Variants in ZMYM3 observed in about 807,000 individuals in gnomAD.
ZMYM3 encodes zinc finger MYM-type protein 3.
In ZMYM3, 6 loss-of-function variants were observed where a neutral mutation model predicts 94.2. The observed-to-expected ratio is 0.06, with a 90% confidence interval of 0.03 to 0.13. The LOEUF is 0.13. ZMYM3 is among the 10% of genes least tolerant of loss of function. ZMYM3 has a pLI of 1.00. For synonymous variants in ZMYM3, 420 were observed against 426.5 expected (o/e 0.98, Z 0.19); for missense variants, 664 against 1,132.6 (o/e 0.59, Z 5.94).
intron 23 of ZMYM3, among the ~76,000 whole-genome samples, chrX:71,241,896 T>C (rs2029962921): frequency 8.9e-6 from 1 of 111,961 alleles, no homozygotes; most frequent in South Asian, 3.7e-4. Context: ...GTTTCCTACC[T>C]GTCCACCACC....
In ZMYM3 at chrX:71,240,611, C is replaced by G. The variant is rs1246035397; in HGVS notation, c.*305G>C. 1 of 241,386 alleles carries G rather than the reference C, an allele frequency of 4.1e-6. No homozygotes were observed. Among genetic ancestry groups the G allele is most frequent in the Non-Finnish European group, 7.4e-6 (1 of 135,138 alleles). The allele number at this position is 241,386 out of a possible 1,213,427, so 19.9% of individuals were successfully genotyped here. The stretch of plus-strand genomic sequence containing the variant: ...CAGGATCACCAGAGCTATTAACACT[C>G]CACCCAGAGTCTGGACCCAGAAGGA... On this transcript the variant is annotated 3_prime_UTR_variant, in exon 25 of 25. Transcript: ENST00000314425.
chrX:71,249,491 G>T lies in ZMYM3; in HGVS notation c.1440C>A (p.Cys480Ter). The change falls in exon 7 of 25, where the codon TGC becomes TGA. Residue 480 changes from cysteine to a stop codon, truncating the protein, a stop_gained. Transcript: ENST00000314425. LOFTEE classifies it high-confidence loss of function. ...LFHEGQQKRFCNTTCLGAYKK... is the reference protein window; with the variant it reads ...LFHEGQQKRF ...TGTACGCCCCCAAGCAGGTTGTGTT[G>T]CAGAACCGCTTTTGTTGGCCCTCGT... The T allele has an allele frequency of 8.3e-7, 1 of 1,199,133 alleles. No homozygotes were observed.
intron 23 of ZMYM3, among the ~76,000 whole-genome samples, chrX:71,241,962 G>A (rs1454759611): frequency 1.8e-5 from 2 of 111,787 alleles, no homozygotes; most frequent in Non-Finnish European, 3.8e-5. Context: ...GGGGAAACAG[G>A]CCAGAGGGTG....
chrX:71,250,841 C>A, intron 4 of ZMYM3, 115 bp from the exon 5 acceptor site: 1 of 766,864 alleles, frequency 1.3e-6, no homozygotes. Flanking sequence ...CCTTTACACC[C>A]TGGCCCTTGT....
At chrX:71,247,319 G>A (rs1431804836) in intron 13 of ZMYM3, 26 bp downstream of exon 13, 3 of 1,167,276 alleles carry the variant, frequency 2.6e-6, no homozygotes, top group Admixed American at 5.0e-5. Context: ...CCCTCTAACA[G>A]AGTGTACCCC....
At position 71,249,117 on chromosome X, in the gene ZMYM3, A is replaced by G; in HGVS notation, c.1523T>C (p.Phe508Ser). The stretch of plus-strand genomic sequence containing the variant: ...ACGATCCACATGTGATAGCATCTCA[A>G]AGTTCTTACACAGGGTCTTGCACCA... ...CVWCKTLCKNFEMLSHVDRNG... is the reference protein window; with the variant it reads ...CVWCKTLCKNSEMLSHVDRNG... Residue 508 changes from phenylalanine to serine, a missense_variant, in exon 8 of 25, where the codon TTT (phenylalanine) becomes TCT (serine). Physicochemically the swap from Phe to Ser is radical, Grantham distance 155. Around this residue, in one of 9 missense-constraint regions of ZMYM3, gnomAD observed 159 missense variants for 313.0 expected, o/e 0.51. Transcript: ENST00000314425. 1 of 1,211,780 alleles carries G rather than the reference A, an allele frequency of 8.3e-7. No individual in the cohort carries two copies. Among genetic ancestry groups the G allele is most frequent in the East Asian group, 3.0e-5 (1 of 33,827 alleles).
Position 71,247,529 on chromosome X carries a change from T to C in ZMYM3, c.2149-19A>G. 1.7e-6 allele frequency: 2 copies of C among 1,201,571 alleles called. No homozygotes were observed. The highest frequency in any genetic ancestry group is 2.2e-6 in the Non-Finnish European group (2 of 888,991). ...GGGCAGCCTGAGGATGTCAAAAGGATGGTCAGACCTGCCTCCCTAAAATGC... is the reference window on the plus strand; with the variant it reads ...GGGCAGCCTGAGGATGTCAAAAGGACGGTCAGACCTGCCTCCCTAAAATGC... On this transcript the variant is annotated intron_variant, in intron 12 of 24. Coordinates refer to ENST00000314425, the MANE Select transcript of ZMYM3 (RefSeq NM_201599.3).
intron 18 of ZMYM3, 82 bp downstream of exon 18, chrX:71,245,257 T>C (rs2030118294): frequency 1.8e-6 from 2 of 1,139,326 alleles, no homozygotes; most frequent in Admixed American, 2.4e-5. Flanking sequence ...TTCAGGGTCA[T>C]GCTCAGGGAC....
rs754896659 is a variant in ZMYM3 at position 71,244,419 on chromosome X, T to A, written c.3163A>T (p.Ser1055Cys). 2 of 1,211,957 alleles carry A rather than the reference T, an allele frequency of 1.7e-6. No individual in the cohort carries two copies. The highest frequency in any genetic ancestry group is 4.3e-5 in the Admixed American group (2 of 46,046). The change falls in exon 20 of 25, where the codon AGT becomes TGT. Residue 1055 changes from serine (S) to cysteine (C), a missense_variant. Coordinates refer to ENST00000314425, the MANE Select transcript of ZMYM3 (RefSeq NM_201599.3). ...TTGAGCCCGGTACAACTAGGCTGACTGCTCATGGAGTCCCGGGAGCAGCTT... is the reference window on the plus strand; with the variant it reads ...TTGAGCCCGGTACAACTAGGCTGACAGCTCATGGAGTCCCGGGAGCAGCTT... ...SESCSRDSMSSQPSCTGLNYS... is the reference protein window; with the variant it reads ...SESCSRDSMSCQPSCTGLNYS...
At position 71,245,415 on chromosome X, in the gene ZMYM3, A is replaced by G. The variant is rs2030125443; in HGVS notation, c.2931T>C (p.Asp977=). Reference sequence around the variant, plus strand: ...CCATCTTGACTGCCATGGCCAGGACATCATCTCGAGCAGGCCCAAACAGGT... The same window carrying G: ...CCATCTTGACTGCCATGGCCAGGACGTCATCTCGAGCAGGCCCAAACAGGT... ...DCDLFGPARD[D]VLAMAVKMAN... The change falls in exon 18 of 25, where the codon GAT becomes GAC. Residue 977 remains aspartate, a synonymous_variant. Coordinates refer to ENST00000314425, the MANE Select transcript of ZMYM3 (RefSeq NM_201599.3). 1 of 1,209,530 alleles carries G rather than the reference A, an allele frequency of 8.3e-7. No individual in the cohort carries two copies. Among genetic ancestry groups the G allele is most frequent in the African/African-American group, 1.8e-5 (1 of 57,052 alleles).
At chrX:71,245,127 T>TAAAAA (rs5902685) in intron 18 of ZMYM3, among the ~76,000 whole-genome samples, 4 of 42,624 alleles carry the variant, frequency 9.4e-5, no homozygotes, top group African/African-American at 1.7e-4. Flanking sequence ...GCTTAAAAAT[T>TAAAAA]AAAAAAAAAA....
rs765615540 is a variant in ZMYM3, at chrX:71,242,369, C to A, written c.3603G>T (p.Gly1201=). 10 of 1,209,217 alleles carry A rather than the reference C, an allele frequency of 8.3e-6. No homozygotes were observed. In the South Asian group the frequency reaches 1.6e-4, roughly 19 times the overall value. The change falls in exon 23 of 25, where the codon GGG becomes GGT. Residue 1201 remains glycine (G), a synonymous_variant. Transcript: ENST00000314425. ...TGAGGAGGACAAAGGGCGAGTAGACCCCCAGTTGCTTACACTCCCAGAGGT... is the reference window on the plus strand; with the variant it reads ...TGAGGAGGACAAAGGGCGAGTAGACACCCAGTTGCTTACACTCCCAGAGGT... ...EEHLWECKQL[G]VYSPFVLLNT... is the part of the protein sequence containing the mutation.
Position 71,248,515 on chromosome X carries a change from G to T in ZMYM3, c.1747C>A (p.Pro583Thr). 8.3e-7 allele frequency: 1 copy of T among 1,210,843 alleles called. No individual in the cohort carries two copies. Among genetic ancestry groups the T allele is most frequent in the Non-Finnish European group, 1.1e-6 (1 of 894,881 alleles). ...SCWTKFQRTS[P>T]EGGIHLSCHY... is the part of the protein sequence containing the mutation. Reference sequence around the variant, plus strand: ...CAGCTCAGGTGAATGCCCCCCTCAGGGCTTGTGCGCTGGAGGGAAGGAAGA... The same window carrying T: ...CAGCTCAGGTGAATGCCCCCCTCAGTGCTTGTGCGCTGGAGGGAAGGAAGA... Residue 583 changes from proline (P) to threonine (T), a missense_variant, in exon 10 of 25, where the codon CCT becomes ACT. Pro to Thr is a conservative substitution (Grantham distance 38). This residue lies in a region of ZMYM3 where 159 missense variants were observed against 313.0 expected (regional missense o/e 0.51). Transcript: ENST00000314425.
intron 1 of ZMYM3, among the ~76,000 whole-genome samples, chrX:71,253,739 C>T (rs1206557772): frequency 1.6e-5 from 1 of 63,427 alleles, no homozygotes; most frequent in Non-Finnish European, 3.0e-5. Context: ...CCCACCCCCC[C>T]TCCCCGCGTT....
At chrX:71,248,892 A>G in intron 8 of ZMYM3, 91 bp from the exon 9 acceptor site, 1 of 1,107,932 alleles carries the variant, frequency 9.0e-7, no homozygotes, top group Non-Finnish European at 1.2e-6. Context: ...TAAGAGACGA[A>G]CAGAAAATCC....
chrX:71,243,779 T>C (rs1390158457), intron 21 of ZMYM3, 50 bp downstream of exon 21: 2 of 1,197,939 alleles, frequency 1.7e-6, no homozygotes, highest in African/African-American at 3.5e-5. Context: ...GTTTAGACCC[T>C]GCCTGCTGTG....
intron 6 of ZMYM3, 113 bp from the exon 7 acceptor site, chrX:71,249,792 G>T: frequency 9.0e-7 from 1 of 1,112,839 alleles, no homozygotes. Flanking sequence ...GTGGGCCCAG[G>T]GACCCCCCAA....
rs139405380 is a variant in ZMYM3 at position 71,253,061 on chromosome X, G to C, written c.195C>G (p.Gly65=). 1.6e-3 allele frequency: 1,882 copies of C among 1,197,826 alleles called. No individual in the cohort carries two copies. The highest frequency in any genetic ancestry group is 2.0e-3 in the Non-Finnish European group (1,773 of 888,843). Residue 65 remains glycine (G), a synonymous_variant, in exon 2 of 25, where the codon GGC becomes GGG. Transcript: ENST00000314425. ...GALDLLDTPA[G]LEKDPGVLDG... ...CCAGGACTCCAGGGTCTTTTTCCAGGCCAGCAGGGGTATCAAGCAGGTCCA... is the reference window on the plus strand; with the variant it reads ...CCAGGACTCCAGGGTCTTTTTCCAGCCCAGCAGGGGTATCAAGCAGGTCCA...
intron 23 of ZMYM3, 81 bp from the exon 24 acceptor site, chrX:71,241,425 G>T: frequency 1.3e-6 from 1 of 746,616 alleles, no homozygotes; most frequent in Non-Finnish European, 1.9e-6. Context: ...TCAGGGCACA[G>T]GGAGAAGGCG....
Sources: allele counts gnomAD v4.1 joint callset (sites outside exome capture counted in the v4.1 genomes callset), GRCh38; gene constraint gnomAD v4.1.1; regional missense constraint gnomAD v4.1.1; transcripts MANE v1.5; gene names NCBI Gene and HGNC (gene_info 2026-07-23, HGNC 2026-07-21).